Variants in AGAP1 observed in about 807,000 individuals in gnomAD.
The protein encoded by AGAP1 is arf-GAP with GTPase, ANK repeat and PH domain-containing protein 1.
Under a neutral mutation model 105.3 loss-of-function variants are expected in AGAP1, and 29 were observed. The observed-to-expected ratio is 0.28, with a 90% CI of 0.21 to 0.38. The LOEUF (loss-of-function observed/expected upper bound fraction) is 0.38. Among genes scored for constraint, AGAP1 ranks in the 10% least tolerant of loss-of-function variants. The pLI is 1.00. For synonymous variants in AGAP1, 509 were observed against 485.9 expected, an observed-to-expected ratio of 1.05 and a Z score of -0.63; for missense variants, 998 against 1,165.1, an observed-to-expected ratio of 0.86 and a Z score of 2.09.
chr2:236,038,489 C>T lies in AGAP1; in HGVS notation c.1800+1774C>T, dbSNP rs780138360. 2.6e-5 allele frequency among the ~76,000 whole-genome samples: 4 copies of T among 152,224 alleles called. No individual in the cohort carries two copies. Among genetic ancestry groups the T allele is most frequent in the Non-Finnish European group, 5.9e-5 (4 of 68,038 alleles). The stretch of plus-strand genomic sequence containing the variant: ...TCATGCACACACCAGCCTTAGAATG[C>T]TGCCCTCGGCCCTCACTAGGCGCCT... On this transcript the variant is annotated intron_variant, in intron 14 of 17. Transcript: ENST00000304032. The surrounding 1 kb of genome is among the most constrained non-coding windows in gnomAD (Gnocchi z 4.5).
At chr2:235,794,890 G>C (rs1007192815) in intron 6 of AGAP1, among the ~76,000 whole-genome samples, 1 of 152,012 alleles carries the variant, frequency 6.6e-6, no homozygotes, top group African/African-American at 2.4e-5. Context: ...TTGAACATAC[G>C]TATTTATATG....
chr2:235,589,254 G>A (rs1340792903), intron 1 of AGAP1, among the ~76,000 whole-genome samples: 2 of 123,772 alleles, frequency 1.6e-5, no homozygotes, highest in South Asian at 2.7e-4. Flanking sequence ...TGTCTAGGCT[G>A]GAGTGCAATG....
chr2:235,683,105 G>A (rs1028065438), intron 1 of AGAP1, among the ~76,000 whole-genome samples: 4 of 152,054 alleles, frequency 2.6e-5, no homozygotes, highest in East Asian at 1.9e-4. Flanking sequence ...CCAGGAGTTC[G>A]AGACCACCTG....
chr2:235,903,496 C>T (rs2051158072), intron 10 of AGAP1, among the ~76,000 whole-genome samples: 1 of 152,182 alleles, frequency 6.6e-6, no homozygotes, highest in Non-Finnish European at 1.5e-5. Flanking sequence ...CATCTTTTCA[C>T]CAGACAGCCA....
In AGAP1 at chr2:235,979,141, G is replaced by GTT. The variant is rs56777893; in HGVS notation, c.1645+10530_1645+10531dup. Among the ~76,000 whole-genome samples the GTT allele has an allele frequency of 4.5e-5, 6 of 134,252 alleles. No homozygotes were observed. The highest frequency in any genetic ancestry group is 2.3e-4 in the South Asian group (1 of 4,270). The allele number at this position is 134,252 out of a possible 152,430, so 88.1% of individuals were successfully genotyped here. Reference sequence around the variant, plus strand: ...GTGGGGTTTTTTTGTTGTTGTTTTTGTTTTTTTTTTTTTGGGATATGATCT... The same window carrying GTT: ...GTGGGGTTTTTTTGTTGTTGTTTTTGTTTTTTTTTTTTTTTGGGATATGATCT... On this transcript the variant is annotated intron_variant, in intron 13 of 17. Transcript: ENST00000304032. The surrounding 1 kb of genome is among the most constrained non-coding windows in gnomAD (Gnocchi z 4.5).
At chr2:235,997,384 G>C (rs1247957844) in intron 13 of AGAP1, among the ~76,000 whole-genome samples, 1 of 152,208 alleles carries the variant, frequency 6.6e-6, no homozygotes, top group Non-Finnish European at 1.5e-5. Flanking sequence ...ACCGTGCCCA[G>C]CCTAATGAAG....
At chr2:236,018,952 T>C (rs990622165) in intron 13 of AGAP1, among the ~76,000 whole-genome samples, 2 of 152,182 alleles carry the variant, frequency 1.3e-5, no homozygotes, top group African/African-American at 4.8e-5. Context: ...CTCTTGGAAA[T>C]TTCATCACAG....
intron 12 of AGAP1, among the ~76,000 whole-genome samples, chr2:235,952,789 A>C (rs533163026): frequency 6.6e-6 from 1 of 152,146 alleles, no homozygotes; most frequent in South Asian, 2.1e-4. Context: ...GAGCCTCACC[A>C]TCCTGGTGGT....
At chr2:235,880,065 G>A (rs73126479) in intron 9 of AGAP1, among the ~76,000 whole-genome samples, 1,826 of 147,574 alleles carry the variant, frequency 0.012, 39 homozygotes, top group African/African-American at 0.04. Flanking sequence ...AGCTATGATA[G>A]CATCACTGCA....
rs1182133131 is a variant in AGAP1 at position 236,124,024 on chromosome 2, T to A, written c.2476T>A (p.Cys826Ser). The A allele has an allele frequency of 1.9e-6, 3 of 1,613,908 alleles. No homozygotes were observed. In the African/African-American group the frequency reaches 4.0e-5, roughly 22 times the overall value. ...ECIDVLLQYG[C>S]PDERFVLMAT... ...CATCGACGTGCTGCTGCAGTACGGC[T>A]GCCCCGACGAGCGCTTCGTGCTCAT... The change falls in exon 18 of 18, where the codon TGC becomes AGC. Residue 826 changes from cysteine (C) to serine (S), a missense_variant. By Grantham distance (112) the Cys-to-Ser change is moderately radical. Around this residue, in one of 3 missense-constraint regions of AGAP1, gnomAD observed 235 missense variants for 270.7 expected, o/e 0.87. Coordinates refer to ENST00000304032, the MANE Select transcript of AGAP1 (RefSeq NM_001037131.3). The surrounding 1 kb of genome is among the most constrained non-coding windows in gnomAD (Gnocchi z 5.1).
In AGAP1 at chr2:235,592,155, G is replaced by GGGGA. The variant is rs1945365881; in HGVS notation, c.163+97314_163+97317dup. Among the ~76,000 whole-genome samples the GGGGA allele has an allele frequency of 3.3e-5, 5 of 152,346 alleles. No homozygotes were observed. The South Asian group carries it at 1.0e-3, about 32-fold the overall frequency. ...CAGCGCCCTGTGGCCAGGAAGACCT[G>GGGGA]GGGAGGGAGGGTGGCTGGAGGCCAG... On this transcript the variant is annotated intron_variant, in intron 1 of 17. Transcript: ENST00000304032.
rs2058032291 is a variant in AGAP1, at chr2:236,055,652, G to T, written c.2114+6371G>T. On this transcript the variant is annotated intron_variant, in intron 16 of 17. Transcript: ENST00000304032. This position sits in a 1 kb window ranked among gnomAD's most constrained non-coding sequence, Gnocchi z 6.2. Reference sequence around the variant, plus strand: ...GTGCCCTGCTCAAGCCACGACAGTGGCAGCCTTCTCCGAGGAGCCGTGGGT... The same window carrying T: ...GTGCCCTGCTCAAGCCACGACAGTGTCAGCCTTCTCCGAGGAGCCGTGGGT... Among the ~76,000 whole-genome samples the T allele has an allele frequency of 6.6e-6, 1 of 152,272 alleles. No individual in the cohort carries two copies. The highest frequency in any genetic ancestry group is 2.4e-5 in the African/African-American group (1 of 41,480).
chr2:235,526,726 G>T (rs1942855152), intron 1 of AGAP1, among the ~76,000 whole-genome samples: 1 of 152,330 alleles, frequency 6.6e-6, no homozygotes, highest in African/African-American at 2.4e-5. Flanking sequence ...CAACATGGGT[G>T]ATGGGTAAAA....
chr2:235,565,578 T>C (rs1167173184), intron 1 of AGAP1, among the ~76,000 whole-genome samples: 1 of 152,210 alleles, frequency 6.6e-6, no homozygotes, highest in African/African-American at 2.4e-5. Context: ...TTTACCTCAT[T>C]AGTTATTTGT....
intron 1 of AGAP1, among the ~76,000 whole-genome samples, chr2:235,693,586 G>T (rs934878079): frequency 2.0e-5 from 3 of 152,174 alleles, no homozygotes; most frequent in Admixed American, 2.0e-4. Context: ...AGCCAGGCCT[G>T]GTGGCTCACG....
At chr2:235,495,029 C>T (rs1941252113) in intron 1 of AGAP1, among the ~76,000 whole-genome samples, 180 bp downstream of exon 1, 1 of 152,130 alleles carries the variant, frequency 6.6e-6, no homozygotes, top group Non-Finnish European at 1.5e-5. Context: ...CTGCGCCCCG[C>T]CGCGCCGCGA....
At chr2:235,943,404 C>A (rs779861804) in intron 12 of AGAP1, among the ~76,000 whole-genome samples, 6 of 145,110 alleles carry the variant, frequency 4.1e-5, no homozygotes, top group Non-Finnish European at 7.4e-5. Context: ...CACTCGTCAC[C>A]CAGGCTGGAG....
In AGAP1 at chr2:235,785,498, G is replaced by A. The variant is rs1187868724; in HGVS notation, c.674-12261G>A. 3.3e-5 allele frequency among the ~76,000 whole-genome samples: 5 copies of A among 151,982 alleles called. No individual in the cohort carries two copies. The East Asian group carries it at 5.8e-4, about 18-fold the overall frequency. ...ACATTTTCCCTTCTTTAGAACTCTTGCGTCTCCTGTTCCTCATTTATCTTG... is the reference window on the plus strand; with the variant it reads ...ACATTTTCCCTTCTTTAGAACTCTTACGTCTCCTGTTCCTCATTTATCTTG... On this transcript the variant is annotated intron_variant, in intron 6 of 17. Coordinates refer to ENST00000304032, the MANE Select transcript of AGAP1 (RefSeq NM_001037131.3).
In AGAP1 at chr2:235,927,172, G is replaced by GA. The variant is rs1374055349; in HGVS notation, c.1325-3593_1325-3592insA. On this transcript the variant is annotated intron_variant, in intron 11 of 17. Coordinates refer to ENST00000304032, the MANE Select transcript of AGAP1 (RefSeq NM_001037131.3). The surrounding 1 kb of genome is among the most constrained non-coding windows in gnomAD (Gnocchi z 4.4). ...GAAGTGGGTGTGGCTGGGGCTGGGG[G>GA]GCCTTCACGAGCTATAGGGCTCTAA... Among the ~76,000 whole-genome samples the GA allele has an allele frequency of 2.6e-5, 4 of 152,136 alleles. No individual in the cohort carries two copies. In the East Asian group the frequency reaches 5.8e-4, roughly 22 times the overall value.
Sources: allele counts gnomAD v4.1 joint callset (sites outside exome capture counted in the v4.1 genomes callset), GRCh38; gene constraint gnomAD v4.1.1; regional missense constraint gnomAD v4.1.1; non-coding constraint Gnocchi (gnomAD v3.1); transcripts MANE v1.5; gene names NCBI Gene and HGNC (gene_info 2026-07-23, HGNC 2026-07-21).